Variants in PLEKHG1 observed in about 807,000 individuals in gnomAD.
The protein encoded by PLEKHG1 is pleckstrin homology and RhoGEF domain containing G1.
In PLEKHG1, 44 loss-of-function variants were observed where a neutral mutation model predicts 100.8. That is an observed-to-expected ratio of 0.44 (90% CI 0.34 to 0.56). The LOEUF (loss-of-function observed/expected upper bound fraction) is 0.56. Among genes scored for constraint, PLEKHG1 ranks in the 20% least tolerant of loss-of-function variants. The pLI, the probability that PLEKHG1 is intolerant of heterozygous loss-of-function variation, is 0.01. For missense variants in PLEKHG1, 1,545 were observed against 1,720.9 expected (o/e 0.90, Z 1.81); for synonymous variants, 640 against 662.5 (o/e 0.97, Z 0.52).
intron 2 of PLEKHG1, among the ~76,000 whole-genome samples, chr6:150,743,941 C>T (rs1373230967): frequency 2.6e-5 from 4 of 152,192 alleles, no homozygotes; most frequent in African/African-American, 7.2e-5. Flanking sequence ...GGGTAATGGA[C>T]GAAAGCCATC....
At chr6:150,674,070 GA>G (rs890869108) in intron 3 of PLEKHG1, among the ~76,000 whole-genome samples, 2 of 151,880 alleles carry the variant, frequency 1.3e-5, no homozygotes, top group African/African-American at 4.8e-5. Flanking sequence ...TTTATTTAAG[GA>G]AAAAAAGAAT....
chr6:150,640,757 G>T (rs1434149867), intron 2 of PLEKHG1, among the ~76,000 whole-genome samples: 5 of 152,070 alleles, frequency 3.3e-5, no homozygotes, highest in African/African-American at 9.7e-5. Context: ...AATCCAGTGA[G>T]CACATTCTGC....
chr6:150,676,262 C>T (rs1779755099), intron 3 of PLEKHG1, among the ~76,000 whole-genome samples: 2 of 152,198 alleles, frequency 1.3e-5, no homozygotes, highest in South Asian at 4.1e-4. Flanking sequence ...AATGTGAGCA[C>T]AACGTCAGAT....
chr6:150,832,170 T>C (rs1451086132), exon 15 of PLEKHG1: 1 of 1,606,522 alleles, frequency 6.2e-7, no homozygotes, highest in African/African-American at 1.3e-5. Context: ...CTGGCTGCCA[T>C]CTTGGAAGAG....
intron 15 of PLEKHG1, among the ~76,000 whole-genome samples, chr6:150,839,398 G>A (rs1377938732): frequency 6.6e-6 from 1 of 152,192 alleles, no homozygotes. Flanking sequence ...TTACAGGCGT[G>A]AGCTATTACG....
At chr6:150,676,517 G>T (rs9384574) in intron 3 of PLEKHG1, among the ~76,000 whole-genome samples, 1 of 152,150 alleles carries the variant, frequency 6.6e-6, no homozygotes, top group Admixed American at 6.5e-5. Context: ...ATATAATAAG[G>T]ATGATGACAG....
chr6:150,839,974 G>A, exon 16 of PLEKHG1: 1 of 1,613,934 alleles, frequency 6.2e-7, no homozygotes, highest in South Asian at 1.1e-5. Context: ...GTCCACCATG[G>A]TAGTGGAGAC....
At chr6:150,768,375 G>T (rs577488372) in intron 2 of PLEKHG1, among the ~76,000 whole-genome samples, 9 of 152,334 alleles carry the variant, frequency 5.9e-5, no homozygotes, top group African/African-American at 1.9e-4. Context: ...TATGGTCATT[G>T]TAGCCCCATC....
At chr6:150,791,226 C>T (rs1785961377) in intron 4 of PLEKHG1, among the ~76,000 whole-genome samples, 1 of 152,066 alleles carries the variant, frequency 6.6e-6, no homozygotes, top group South Asian at 2.1e-4. Flanking sequence ...ACAGTCCCTC[C>T]AGGTAATTCT....
At chr6:150,840,314 A>G (rs1777457803) in exon 16 of PLEKHG1, 4 of 1,614,074 alleles carry the variant, frequency 2.5e-6, no homozygotes. Flanking sequence ...TCAACAAATC[A>G]ATGGATTCCA....
intron 3 of PLEKHG1, among the ~76,000 whole-genome samples, chr6:150,697,000 G>A (rs1780567632): frequency 6.6e-6 from 1 of 152,006 alleles, no homozygotes; most frequent in African/African-American, 2.4e-5. Flanking sequence ...GGGAGGCTGA[G>A]GCACGAGAAT....
intron 3 of PLEKHG1, among the ~76,000 whole-genome samples, chr6:150,707,113 T>C (rs1274426349): frequency 6.8e-6 from 1 of 146,382 alleles, no homozygotes; most frequent in Non-Finnish European, 1.5e-5. Flanking sequence ...CAAGCGATTC[T>C]CCTGCCTCAA....
At chr6:150,829,399 A>G (rs1776787728) in intron 14 of PLEKHG1, among the ~76,000 whole-genome samples, 2 of 152,186 alleles carry the variant, frequency 1.3e-5, no homozygotes, top group South Asian at 4.1e-4. Flanking sequence ...GGATCTCTTG[A>G]GGCCAGGAGT....
At chr6:150,624,007 A>G (rs931699670) in intron 1 of PLEKHG1, among the ~76,000 whole-genome samples, 2 of 152,230 alleles carry the variant, frequency 1.3e-5, no homozygotes, top group Non-Finnish European at 2.9e-5. Context: ...AGATTAATGT[A>G]TTAGATTATA....
In PLEKHG1 at chr6:150,813,313, A is replaced by AC. The variant is rs906428278; in HGVS notation, c.1278+3579_1278+3580insC. ...GAGTGAGACTCTGTCTCAAAAAAAA[A>AC]AAAAAACAAAATGGACCAGTCACTA... On this transcript the variant is annotated intron_variant, in intron 10 of 15. Transcript: ENST00000358517. Among the ~76,000 whole-genome samples the AC allele has an allele frequency of 2.6e-5, 4 of 151,686 alleles. No individual in the cohort carries two copies. In the South Asian group the frequency reaches 6.3e-4, roughly 24 times the overall value.
chr6:150,721,412 C>G (rs556076244), intron 1 of PLEKHG1, among the ~76,000 whole-genome samples: 7 of 152,164 alleles, frequency 4.6e-5, no homozygotes, highest in African/African-American at 1.7e-4. Context: ...TTTTTCTCCC[C>G]CTCCATCTGA....
intron 1 of PLEKHG1, among the ~76,000 whole-genome samples, chr6:150,726,003 A>G (rs1781946922): frequency 6.6e-6 from 1 of 152,206 alleles, no homozygotes; most frequent in African/African-American, 2.4e-5. Context: ...GCTAAGTGAA[A>G]TGAACTGGAC....
chr6:150,671,840 G>A lies in PLEKHG1; in HGVS notation c.-99+21054G>A, dbSNP rs79276208. 1.3e-4 allele frequency among the ~76,000 whole-genome samples: 20 copies of A among 152,296 alleles called. No homozygotes were observed. The East Asian group carries it at 3.5e-3, about 26-fold the overall frequency. ...GGAGGCAGTGAGCAGTGGGGATGGGGTTGGAGAGAGAGATGAGGACTAGCT... is the reference window on the plus strand; with the variant it reads ...GGAGGCAGTGAGCAGTGGGGATGGGATTGGAGAGAGAGATGAGGACTAGCT... On this transcript the variant is annotated intron_variant, in intron 3 of 3. Transcript: ENST00000367326.
chr6:150,704,913 G>C (rs75466079), intron 3 of PLEKHG1, among the ~76,000 whole-genome samples: 1,785 of 152,322 alleles, frequency 0.012, 36 homozygotes, highest in African/African-American at 0.041. Flanking sequence ...GAGAGAGCAA[G>C]ATCTCTCGTA....
Sources: gnomAD v4.1 joint callset for allele counts (sites outside exome capture counted in the v4.1 genomes callset) on GRCh38, gnomAD v4.1.1 for gene constraint, MANE v1.5 for transcripts, NCBI Gene and HGNC (gene_info 2026-07-23, HGNC 2026-07-21) for gene names.